The following XKR8 variants were observed in gnomAD, a reference collection of about 807,000 sequenced individuals.
XKR8 encodes the protein XK-related protein 8.
A neutral mutation model predicts 17.1 loss-of-function variants in XKR8; 10 were observed. The observed-to-expected ratio is 0.59, with a 90% CI of 0.36 to 0.99. XKR8 has a LOEUF of 0.99. XKR8 is among the 50% of genes least tolerant of loss of function. The pLI, the probability that XKR8 is intolerant of heterozygous loss-of-function variation, is 0.01. For synonymous variants in XKR8, 213 were observed against 251.9 expected, an observed-to-expected ratio of 0.85 and a Z score of 1.46; for missense variants, 411 against 515.6, an observed-to-expected ratio of 0.80 and a Z score of 1.96.
chr1:27,968,003 A>G lies in XKR8; in HGVS notation c.*803A>G, dbSNP rs1335697766. On this transcript the variant is annotated 3_prime_UTR_variant, in exon 3 of 3. Coordinates refer to ENST00000373884, the MANE Select transcript of XKR8 (RefSeq NM_018053.4). Reference sequence around the variant, plus strand: ...CTACCTCAGTCTATGTGAGAGGAAGAGAATGTGTGTGCCTGTGGGTCTCTA... The same window carrying G: ...CTACCTCAGTCTATGTGAGAGGAAGGGAATGTGTGTGCCTGTGGGTCTCTA... The G allele has an allele frequency of 6.5e-6, 1 of 152,704 alleles. No individual in the cohort carries two copies. The highest frequency in any genetic ancestry group is 1.5e-5 in the Non-Finnish European group (1 of 68,084). 9.5% of individuals were successfully genotyped at this position (152,704 alleles called of 1,614,324 possible). A position where few individuals can be genotyped will look rare whatever the true frequency, so the allele number is the denominator to read the frequency against.
intron 1 of XKR8, 74 bp from the exon 2 acceptor site, chr1:27,963,423 A>G (rs1571673770): frequency 6.6e-7 from 1 of 1,525,000 alleles, no homozygotes; most frequent in Non-Finnish European, 8.8e-7. Flanking sequence ...GTGTCCACTC[A>G]TTAGATGGGT....
intron 1 of XKR8, among the ~76,000 whole-genome samples, chr1:27,961,158 G>A (rs1282078110): frequency 6.6e-6 from 1 of 152,232 alleles, no homozygotes; most frequent in African/African-American, 2.4e-5. Context: ...CCAGCAAGAG[G>A]GCAGAGATGG....
At position 27,967,519 on chromosome 1, in the gene XKR8, A is replaced by C; in HGVS notation, c.*319A>C. On this transcript the variant is annotated 3_prime_UTR_variant, in exon 3 of 3. Coordinates refer to ENST00000373884, the MANE Select transcript of XKR8 (RefSeq NM_018053.4). The surrounding 1 kb of genome is among the most constrained non-coding windows in gnomAD (Gnocchi z 4.3). ...CCATTGGTATAGCTGGTGCCCCAAA[A>C]CTTCCACCTCCCTCCCTGGCTACCT... is the stretch of plus-strand genomic sequence containing the variant. 5.0e-6 allele frequency: 1 copy of C among 200,596 alleles called. No homozygotes were observed. The highest frequency in any genetic ancestry group is 1.0e-5 in the Non-Finnish European group (1 of 98,800). The allele number at this position is 200,596 out of a possible 1,614,324, so 12.4% of individuals were successfully genotyped here.
Position 27,967,084 on chromosome 1 carries a change from C to G in XKR8, c.1072C>G (p.Arg358Gly), listed in dbSNP as rs763250576. Residue 358 changes from arginine (R) to glycine (G), a missense_variant, in exon 3 of 3, where the codon CGG (arginine) becomes GGG (glycine). Arg to Gly is a moderately radical substitution (Grantham distance 125). Coordinates refer to ENST00000373884, the MANE Select transcript of XKR8 (RefSeq NM_018053.4). The surrounding 1 kb of genome is among the most constrained non-coding windows in gnomAD (Gnocchi z 4.3). The stretch of plus-strand genomic sequence containing the variant: ...CGACCCTGACCAGGTAGACGGGGCC[C>G]GGAGTCTGCTTTCTCCAGAGGGGTA... Reference protein sequence around the residue: ...KPDPDQVDGARSLLSPEGYQL... With the variant: ...KPDPDQVDGAGSLLSPEGYQL... 1 of 1,614,026 alleles carries G rather than the reference C, an allele frequency of 6.2e-7. No homozygotes were observed.
intron 1 of XKR8, among the ~76,000 whole-genome samples, chr1:27,961,912 G>A (rs1638476331): frequency 6.6e-6 from 1 of 152,192 alleles, no homozygotes; most frequent in Non-Finnish European, 1.5e-5. Context: ...TACTCTTCAT[G>A]CCAGTGGGTA....
chr1:27,966,795 C>G lies in XKR8; in HGVS notation c.783C>G (p.Tyr261Ter), dbSNP rs754255059. The G allele has an allele frequency of 5.6e-6, 9 of 1,613,622 alleles. No homozygotes were observed. Among genetic ancestry groups the G allele is most frequent in the Non-Finnish European group, 8.5e-7 (1 of 1,179,908 alleles). ...CGGACCCCAGCTCCGAGTGGCTGTA[C>G]CGGGTGACGGTGGCCACCATCCTCT... is the stretch of plus-strand genomic sequence containing the variant. ...FMPDPSSEWLYRVTVATILYF... is the reference protein window; with the variant it reads ...FMPDPSSEWL Residue 261 changes from tyrosine (Y) to a stop codon, truncating the protein, a stop_gained, in exon 3 of 3, where the codon TAC becomes TAG. Coordinates refer to ENST00000373884, the MANE Select transcript of XKR8 (RefSeq NM_018053.4). LOFTEE classifies it low-confidence loss of function (END_TRUNC). The surrounding 1 kb of genome is among the most constrained non-coding windows in gnomAD (Gnocchi z 4.3).
rs1192671189 is a variant in XKR8, at chr1:27,960,054, C to T, written c.-16C>T. 13 of 1,417,614 alleles carry T rather than the reference C, an allele frequency of 9.2e-6. No homozygotes were observed. Among genetic ancestry groups the T allele is most frequent in the African/African-American group, 1.5e-5 (1 of 66,574 alleles). The allele number at this position is 1,417,614 out of a possible 1,614,324, so 87.8% of individuals were successfully genotyped here. A position where few individuals can be genotyped will look rare whatever the true frequency, so the allele number is the denominator to read the frequency against. On this transcript the variant is annotated 5_prime_UTR_variant, in exon 1 of 3. Transcript: ENST00000373884. The surrounding 1 kb of genome is among the most constrained non-coding windows in gnomAD (Gnocchi z 5.9). Reference sequence around the variant, plus strand: ...CCAACCGCGGAGGAGCAGGAGAGGGCGGAGGCCGGCGGGCCATGCCCTGGT... The same window carrying T: ...CCAACCGCGGAGGAGCAGGAGAGGGTGGAGGCCGGCGGGCCATGCCCTGGT...
rs1421340294 is a variant in XKR8, at chr1:27,967,730, C to T, written c.*530C>T. On this transcript the variant is annotated 3_prime_UTR_variant, in exon 3 of 3. Transcript: ENST00000373884. The surrounding 1 kb of genome is among the most constrained non-coding windows in gnomAD (Gnocchi z 4.3). ...ATCATTCTGTCCTTGCAACCTGGAA[C>T]AAGACCAGCTACCAGCCTAGCTTCA... The T allele has an allele frequency of 2.0e-5, 3 of 152,540 alleles. No individual in the cohort carries two copies. The East Asian group carries it at 5.8e-4, about 29-fold the overall frequency. The allele number at this position is 152,540 out of a possible 1,614,324, so 9.4% of individuals were successfully genotyped here.
chr1:27,963,095 C>T (rs1214909574), intron 1 of XKR8, among the ~76,000 whole-genome samples: 1 of 152,114 alleles, frequency 6.6e-6, no homozygotes, highest in Non-Finnish European at 1.5e-5. Flanking sequence ...ACGATCTCGG[C>T]TCACTGTAAC....
intron 2 of XKR8, 140 bp downstream of exon 2, chr1:27,963,833 C>T: frequency 1.2e-6 from 1 of 855,758 alleles, no homozygotes; most frequent in South Asian, 1.9e-5. Flanking sequence ...TGGCTTGAAA[C>T]CTAAAGTCAC....
intron 2 of XKR8, among the ~76,000 whole-genome samples, chr1:27,963,902 T>C (rs1205283792): frequency 6.6e-6 from 1 of 152,222 alleles, no homozygotes; most frequent in Non-Finnish European, 1.5e-5. Context: ...TTTGTTCTCA[T>C]CTGAAATATG....
At position 27,963,491 on chromosome 1, in the gene XKR8, G is replaced by A. The variant is rs201642756; in HGVS notation, c.294-6G>A. The A allele has an allele frequency of 3.1e-6, 5 of 1,604,818 alleles. No individual in the cohort carries two copies. The African/African-American group carries it at 4.0e-5, about 13-fold the overall frequency. ...GGCCCTCTGGGCATTTGTGTGTGGT[G>A]CCTAGGTGCGTGCAGGAGCTGCGGC... On this transcript the variant is annotated splice_region_variant and splice_polypyrimidine_tract_variant and intron_variant, in intron 1 of 2. Coordinates refer to ENST00000373884, the MANE Select transcript of XKR8 (RefSeq NM_018053.4).
chr1:27,965,739 G>A lies in XKR8; in HGVS notation c.491-764G>A, dbSNP rs1278533743. 3.9e-5 allele frequency among the ~76,000 whole-genome samples: 6 copies of A among 152,170 alleles called. No homozygotes were observed. The highest frequency in any genetic ancestry group is 1.9e-4 in the East Asian group (1 of 5,192). On this transcript the variant is annotated intron_variant, in intron 2 of 2. Coordinates refer to ENST00000373884, the MANE Select transcript of XKR8 (RefSeq NM_018053.4). The surrounding 1 kb of genome is among the most constrained non-coding windows in gnomAD (Gnocchi z 4.1). ...TCCAGGCTAGGAGTGGGTTCTGGGC[G>A]CCTAATAGGTTCCCAGTAAACATCT...
rs1638552027 is a variant in XKR8 at position 27,965,537 on chromosome 1, T to A, written c.491-966T>A. Among the ~76,000 whole-genome samples the A allele has an allele frequency of 6.6e-6, 1 of 152,036 alleles. No homozygotes were observed. The stretch of plus-strand genomic sequence containing the variant: ...CAGGGTGGGTGACTCCCGGGGCTCT[T>A]CAAGCTGGGGCCTGCGGGGTAATGG... On this transcript the variant is annotated intron_variant, in intron 2 of 2. Transcript: ENST00000373884. The surrounding 1 kb of genome is among the most constrained non-coding windows in gnomAD (Gnocchi z 4.1).
In XKR8 at chr1:27,960,975, G is replaced by A. The variant is rs1571671887; in HGVS notation, c.293+613G>A. On this transcript the variant is annotated intron_variant, in intron 1 of 2. Transcript: ENST00000373884. The surrounding 1 kb of genome is among the most constrained non-coding windows in gnomAD (Gnocchi z 5.9). ...TGCAGTGAAATGACATCTGTCCACT[G>A]CCCTGGCTCAGAGTGAGCACTCAGC... Among the ~76,000 whole-genome samples the A allele has an allele frequency of 6.6e-6, 1 of 152,322 alleles. No individual in the cohort carries two copies. Among genetic ancestry groups the A allele is most frequent in the East Asian group, 1.9e-4 (1 of 5,186 alleles).
At position 27,960,077 on chromosome 1, in the gene XKR8, G is replaced by A. The variant is rs1238965816; in HGVS notation, c.8G>A (p.Trp3Ter). 12 of 1,460,822 alleles carry A rather than the reference G, an allele frequency of 8.2e-6. No individual in the cohort carries two copies. The highest frequency in any genetic ancestry group is 1.1e-5 in the Non-Finnish European group (12 of 1,111,952). 90.5% of individuals were successfully genotyped at this position (1,460,822 alleles called of 1,614,324 possible). A position where few individuals can be genotyped will look rare whatever the true frequency, so the allele number is the denominator to read the frequency against. The change falls in exon 1 of 3, where the codon TGG becomes TAG. Residue 3 changes from tryptophan (W) to a stop codon, truncating the protein, a stop_gained. Coordinates refer to ENST00000373884, the MANE Select transcript of XKR8 (RefSeq NM_018053.4). LOFTEE classifies it high-confidence loss of function. The surrounding 1 kb of genome is among the most constrained non-coding windows in gnomAD (Gnocchi z 5.9). MP[W>*]SSRGALLRDL... ...GGCGGAGGCCGGCGGGCCATGCCCT[G>A]GTCGTCCCGCGGCGCCCTCCTTCGG...
chr1:27,960,054 C>A lies in XKR8; in HGVS notation c.-16C>A. On this transcript the variant is annotated 5_prime_UTR_variant, in exon 1 of 3. Transcript: ENST00000373884. This position sits in a 1 kb window ranked among gnomAD's most constrained non-coding sequence, Gnocchi z 5.9. Reference sequence around the variant, plus strand: ...CCAACCGCGGAGGAGCAGGAGAGGGCGGAGGCCGGCGGGCCATGCCCTGGT... The same window carrying A: ...CCAACCGCGGAGGAGCAGGAGAGGGAGGAGGCCGGCGGGCCATGCCCTGGT... The A allele has an allele frequency of 7.1e-7, 1 of 1,417,722 alleles. No individual in the cohort carries two copies. The highest frequency in any genetic ancestry group is 2.9e-5 in the Admixed American group (1 of 34,864). The allele number at this position is 1,417,722 out of a possible 1,614,324, so 87.8% of individuals were successfully genotyped here. A position where few individuals can be genotyped will look rare whatever the true frequency, so the allele number is the denominator to read the frequency against.
Position 27,966,754 on chromosome 1 carries a change from G to A in XKR8, c.742G>A (p.Gly248Ser). 6.2e-7 allele frequency: 1 copy of A among 1,614,088 alleles called. No individual in the cohort carries two copies. The highest frequency in any genetic ancestry group is 8.5e-7 in the Non-Finnish European group (1 of 1,179,998). ...LVLLLWVWLQ[G>S]TDFMPDPSSE... Reference sequence around the variant, plus strand: ...ACTGCTGCTCTGGGTCTGGCTTCAGGGCACAGACTTCATGCCGGACCCCAG... The same window carrying A: ...ACTGCTGCTCTGGGTCTGGCTTCAGAGCACAGACTTCATGCCGGACCCCAG... The change falls in exon 3 of 3, where the codon GGC becomes AGC. Residue 248 changes from glycine to serine, a missense_variant. Gly to Ser is a moderately conservative substitution (Grantham distance 56). Coordinates refer to ENST00000373884, the MANE Select transcript of XKR8 (RefSeq NM_018053.4). The surrounding 1 kb of genome is among the most constrained non-coding windows in gnomAD (Gnocchi z 4.3).
At position 27,960,305 on chromosome 1, in the gene XKR8, A is replaced by C; in HGVS notation, c.236A>C (p.Gln79Pro). The C allele has an allele frequency of 2.1e-6, 3 of 1,445,612 alleles. No individual in the cohort carries two copies. Among genetic ancestry groups the C allele is most frequent in the Non-Finnish European group, 2.7e-6 (3 of 1,107,002 alleles). The allele number at this position is 1,445,612 out of a possible 1,614,324, so 89.5% of individuals were successfully genotyped here. Residue 79 changes from glutamine to proline, a missense_variant, in exon 1 of 3, where the codon CAG (glutamine) becomes CCG (proline). Physicochemically the swap from Gln to Pro is moderately conservative, Grantham distance 76 (BLOSUM62 -1). Coordinates refer to ENST00000373884, the MANE Select transcript of XKR8 (RefSeq NM_018053.4). The surrounding 1 kb of genome is among the most constrained non-coding windows in gnomAD (Gnocchi z 5.9). Reference protein sequence around the residue: ...RADPAGLHGSQPPRRCLALLH... With the variant: ...RADPAGLHGSPPPRRCLALLH... ...GACCCTGCCGGCCTGCACGGGTCGC[A>C]GCCCCCGCGCCGCTGCCTGGCGCTG...
Sources: gnomAD v4.1 joint callset for allele counts (sites outside exome capture counted in the v4.1 genomes callset) on GRCh38, gnomAD v4.1.1 for gene constraint, Gnocchi (gnomAD v3.1) non-coding constraint, MANE v1.5 for transcripts, NCBI Gene and HGNC (gene_info 2026-07-23, HGNC 2026-07-21) for gene names.